The following THSD7A variants were observed in gnomAD, a reference collection of about 807,000 sequenced individuals.
The protein encoded by THSD7A is thrombospondin type-1 domain-containing protein 7A.
Under a neutral mutation model 231.3 loss-of-function variants are expected in THSD7A, and 96 were observed. The observed-to-expected ratio is 0.41, with a 90% CI of 0.35 to 0.49. The LOEUF (loss-of-function observed/expected upper bound fraction) is 0.49, where lower values mean the gene tolerates loss of function less well. THSD7A is among the 20% of genes least tolerant of loss of function. THSD7A has a pLI of 0.05. For synonymous variants in THSD7A, 940 were observed against 743.3 expected, an observed-to-expected ratio of 1.26 and a Z score of -4.30; for missense variants, 2,290 against 2,070.2, an observed-to-expected ratio of 1.11 and a Z score of -2.06.
chr7:11,373,818 T>C lies in THSD7A; in HGVS notation c.*1976A>G, dbSNP rs531820524. 2.6e-5 allele frequency: 4 copies of C among 152,184 alleles called. No individual in the cohort carries two copies. The South Asian group carries it at 8.3e-4, about 31-fold the overall frequency. The allele number at this position is 152,184 out of a possible 1,614,324, so 9.4% of individuals were successfully genotyped here. A position where few individuals can be genotyped will look rare whatever the true frequency, so the allele number is the denominator to read the frequency against. On this transcript the variant is annotated 3_prime_UTR_variant, in exon 28 of 28. Transcript: ENST00000423059. ...AGGAACACAGCTGTTTAAGATAAAA[T>C]AGCATGTTAGTTATATTATTTTTCA...
At chr7:11,441,726 G>A (rs1227373152) in intron 13 of THSD7A, among the ~76,000 whole-genome samples, 1 of 151,810 alleles carries the variant, frequency 6.6e-6, no homozygotes. Flanking sequence ...AACTAACACA[G>A]AAACAGAAAG....
intron 6 of THSD7A, among the ~76,000 whole-genome samples, chr7:11,531,534 T>C (rs921597256): frequency 2.0e-5 from 3 of 152,180 alleles, no homozygotes; most frequent in African/African-American, 7.2e-5. Flanking sequence ...TCCAAGCATT[T>C]TCTACCTCTG....
chr7:11,735,594 C>G (rs1311519048), intron 1 of THSD7A, among the ~76,000 whole-genome samples: 1 of 151,672 alleles, frequency 6.6e-6, no homozygotes, highest in South Asian at 2.1e-4. Flanking sequence ...ATCTGAAATT[C>G]AAAACATTTC....
chr7:11,746,300 G>C (rs532573683), intron 1 of THSD7A, among the ~76,000 whole-genome samples: 1 of 151,920 alleles, frequency 6.6e-6, no homozygotes, highest in African/African-American at 2.4e-5. Context: ...GCAAAACTAA[G>C]AAATTGGCAA....
chr7:11,694,510 A>G (rs1036976582), intron 1 of THSD7A, among the ~76,000 whole-genome samples: 1 of 151,620 alleles, frequency 6.6e-6, no homozygotes, highest in Non-Finnish European at 1.5e-5. Context: ...AATACCAATG[A>G]AAGTGCTTAA....
At chr7:11,596,268 T>G (rs1780354259) in intron 2 of THSD7A, among the ~76,000 whole-genome samples, 1 of 152,104 alleles carries the variant, frequency 6.6e-6, no homozygotes, top group Admixed American at 6.6e-5. Flanking sequence ...ATCAGACAAT[T>G]TGGGGATTAC....
intron 1 of THSD7A, among the ~76,000 whole-genome samples, chr7:11,638,883 C>T (rs1021217434): frequency 1.1e-4 from 17 of 152,048 alleles, no homozygotes; most frequent in Admixed American, 5.2e-4. Flanking sequence ...TCTGGTGATA[C>T]TTTCTTAAAG....
intron 2 of THSD7A, among the ~76,000 whole-genome samples, chr7:11,603,788 A>G (rs1158567429): frequency 6.6e-6 from 1 of 150,498 alleles, no homozygotes; most frequent in African/African-American, 2.5e-5. Context: ...ACAAAAAACC[A>G]AACACCGCAT....
rs2355079 is a variant in THSD7A, at chr7:11,747,520, T to C, written c.190+84237A>G. On this transcript the variant is annotated intron_variant, in intron 1 of 27. Transcript: ENST00000423059. ...AGTTTTCTTAATTTAGTTTCTAATG[T>C]TTTATTCATTTATTCTTTTATACCA... 9.6e-3 allele frequency among the ~76,000 whole-genome samples: 1,464 copies of C among 151,840 alleles called. 17 individuals carry two copies. Among genetic ancestry groups the C allele is most frequent in the African/African-American group, 0.033 (1,365 of 41,456 alleles).
At chr7:11,587,858 AT>A (rs1212979358) in intron 4 of THSD7A, among the ~76,000 whole-genome samples, 2 of 152,084 alleles carry the variant, frequency 1.3e-5, no homozygotes, top group South Asian at 2.1e-4. Context: ...TGCTTTCAGT[AT>A]TTTTTTGTAC....
chr7:11,490,698 A>G (rs1786854043), intron 6 of THSD7A, among the ~76,000 whole-genome samples: 2 of 151,858 alleles, frequency 1.3e-5, no homozygotes, highest in African/African-American at 4.8e-5. Context: ...CATTCCTCTC[A>G]GTTGTTTTTA....
chr7:11,651,117 C>T lies in THSD7A; in HGVS notation c.191-14156G>A, dbSNP rs140702822. On this transcript the variant is annotated intron_variant, in intron 1 of 27. Coordinates refer to ENST00000423059, the MANE Select transcript of THSD7A (RefSeq NM_015204.3). Reference sequence around the variant, plus strand: ...AATGGGATATTATTTAGCCTTAAAACGAAACTCTGATGCTACAACACGGAT... The same window carrying T: ...AATGGGATATTATTTAGCCTTAAAATGAAACTCTGATGCTACAACACGGAT... Among the ~76,000 whole-genome samples, 486 of 151,956 alleles carry T rather than the reference C, an allele frequency of 3.2e-3. 2 individuals carry two copies. The highest frequency in any genetic ancestry group is 0.011 in the African/African-American group (449 of 41,484).
intron 9 of THSD7A, among the ~76,000 whole-genome samples, chr7:11,468,463 G>T (rs535309545): frequency 6.6e-6 from 1 of 151,590 alleles, no homozygotes; most frequent in South Asian, 2.1e-4. Context: ...GCAAGTTCAT[G>T]CCATTAACAT....
intron 2 of THSD7A, among the ~76,000 whole-genome samples, chr7:11,611,286 T>C (rs1430669046): frequency 6.6e-6 from 1 of 152,078 alleles, no homozygotes; most frequent in Non-Finnish European, 1.5e-5. Context: ...TATATGCAGA[T>C]GACACTTTTA....
chr7:11,827,722 T>G (rs1376497962), intron 1 of THSD7A, among the ~76,000 whole-genome samples: 1 of 152,204 alleles, frequency 6.6e-6, no homozygotes, highest in East Asian at 1.9e-4. Context: ...CCTAACTCCT[T>G]CTCCTAAACT....
intron 1 of THSD7A, among the ~76,000 whole-genome samples, chr7:11,782,089 C>G (rs1241468329): frequency 6.6e-6 from 1 of 152,100 alleles, no homozygotes; most frequent in Admixed American, 6.5e-5. Context: ...TGGTTAAAAA[C>G]CACTATTATG....
intron 4 of THSD7A, among the ~76,000 whole-genome samples, chr7:11,578,099 A>G (rs1462250723): frequency 6.6e-6 from 1 of 152,212 alleles, no homozygotes; most frequent in Non-Finnish European, 1.5e-5. Context: ...TTTGCTCTCC[A>G]TTATGTTTCT....
intron 6 of THSD7A, among the ~76,000 whole-genome samples, chr7:11,483,128 A>T (rs576727420): frequency 3.6e-4 from 55 of 152,300 alleles, no homozygotes; most frequent in African/African-American, 1.2e-3. Context: ...AGGGTGACTC[A>T]CCTTGCCATT....
chr7:11,512,959 A>ATATATATG (rs1449312863), intron 6 of THSD7A, among the ~76,000 whole-genome samples: 2 of 142,588 alleles, frequency 1.4e-5, no homozygotes, highest in African/African-American at 2.6e-5. Flanking sequence ...ATATATATAT[A>ATATATATG]TGTAAAATAC....
Sources: gnomAD v4.1 joint callset for allele counts (sites outside exome capture counted in the v4.1 genomes callset) on GRCh38, gnomAD v4.1.1 for gene constraint, MANE v1.5 for transcripts, NCBI Gene and HGNC (gene_info 2026-07-23, HGNC 2026-07-21) for gene names.